The following TTLL11 variants were observed in gnomAD, a reference collection of about 807,000 sequenced individuals.
The protein encoded by TTLL11 is tubulin polyglutamylase TTLL11.
Under a neutral mutation model 51.7 loss-of-function variants are expected in TTLL11, and 42 were observed. The ratio of observed to expected loss-of-function variants is 0.81; its 90% CI spans 0.64 to 1.05. The LOEUF (loss-of-function observed/expected upper bound fraction) is 1.05. Ranked by LOEUF, TTLL11 falls within the 50% of genes least tolerant of loss-of-function variation. The probability of loss-of-function intolerance (pLI) is 0.00; values close to 1 mark genes in which losing one functional copy is unlikely to be tolerated. For synonymous variants in TTLL11, 381 were observed against 383.5 expected, an observed-to-expected ratio of 0.99 and a Z score of 0.08; for missense variants, 799 against 940.4, an observed-to-expected ratio of 0.85 and a Z score of 1.97.
At chr9:121,998,535 C>T (rs376723598) in intron 3 of TTLL11, among the ~76,000 whole-genome samples, 1 of 151,934 alleles carries the variant, frequency 6.6e-6, no homozygotes, top group Non-Finnish European at 1.5e-5. Context: ...ATCCACCCGC[C>T]TCGACCTCCC....
At chr9:121,993,109 G>C (rs1276591739) in intron 3 of TTLL11, among the ~76,000 whole-genome samples, 1 of 147,474 alleles carries the variant, frequency 6.8e-6, no homozygotes, top group African/African-American at 2.5e-5. Flanking sequence ...TTACAATGGT[G>C]TTTTCCAGGG....
chr9:122,007,431 C>T (rs1469253774), intron 3 of TTLL11, among the ~76,000 whole-genome samples: 5 of 148,796 alleles, frequency 3.4e-5, no homozygotes, highest in African/African-American at 1.0e-4. Context: ...GCCAAGATCA[C>T]GCCGCTGCAC....
At chr9:122,066,954 C>T (rs1436995699) in intron 1 of TTLL11, among the ~76,000 whole-genome samples, 1 of 152,182 alleles carries the variant, frequency 6.6e-6, no homozygotes, top group Non-Finnish European at 1.5e-5. Flanking sequence ...CTCATGAGAA[C>T]TCACTCACTA....
At chr9:122,053,445 G>GCAGCCCACA (rs1208834308) in intron 1 of TTLL11, among the ~76,000 whole-genome samples, 1 of 152,112 alleles carries the variant, frequency 6.6e-6, no homozygotes, top group African/African-American at 2.4e-5. Context: ...AGAGGTCCAC[G>GCAGCCCACA]CAGCCCACAC....
chr9:122,057,703 T>C (rs1208156286), intron 1 of TTLL11, among the ~76,000 whole-genome samples: 1 of 152,212 alleles, frequency 6.6e-6, no homozygotes, highest in Non-Finnish European at 1.5e-5. Context: ...AGCTTCTCTT[T>C]GGCCTTGAGA....
chr9:122,068,347 G>A (rs1845644396), intron 1 of TTLL11, among the ~76,000 whole-genome samples: 1 of 152,154 alleles, frequency 6.6e-6, no homozygotes, highest in Admixed American at 6.5e-5. Flanking sequence ...CTCTGAGGAA[G>A]GGAACTATAG....
intron 3 of TTLL11, 46 bp downstream of exon 3, chr9:122,031,677 C>T (rs755376743): frequency 1.3e-6 from 2 of 1,598,292 alleles, no homozygotes; most frequent in East Asian, 2.2e-5. Flanking sequence ...GACACAGTTG[C>T]AAGCATAATA....
chr9:121,916,592 A>G (rs540946842), intron 6 of TTLL11, among the ~76,000 whole-genome samples: 5 of 152,306 alleles, frequency 3.3e-5, no homozygotes, highest in Non-Finnish European at 7.4e-5. Context: ...AAAAAGGAAA[A>G]ATTCATTTTG....
intron 3 of TTLL11, among the ~76,000 whole-genome samples, chr9:122,031,430 G>A (rs1332781089): frequency 2.0e-5 from 3 of 152,094 alleles, no homozygotes; most frequent in African/African-American, 4.8e-5. Context: ...CACCTGCTCC[G>A]GCTCCAGCTC....
intron 8 of TTLL11, among the ~76,000 whole-genome samples, chr9:121,826,515 G>A (rs866850566): frequency 0.15 from 5,100 of 34,308 alleles, 512 homozygotes; most frequent in African/African-American, 0.27. Flanking sequence ...ATATATATAT[G>A]TATATATATA....
intron 3 of TTLL11, among the ~76,000 whole-genome samples, chr9:122,022,903 G>A (rs1844220378): frequency 6.6e-6 from 1 of 151,844 alleles, no homozygotes; most frequent in South Asian, 2.1e-4. Flanking sequence ...AGTGTTATAA[G>A]GTTCTCATAC....
intron 3 of TTLL11, among the ~76,000 whole-genome samples, chr9:122,010,492 C>T (rs1212336128): frequency 2.0e-5 from 3 of 152,180 alleles, no homozygotes; most frequent in Admixed American, 1.3e-4. Context: ...TCTGCTTTCA[C>T]ACTCCAACAG....
At chr9:121,886,172 C>T (rs562820127) in intron 6 of TTLL11, among the ~76,000 whole-genome samples, 8 of 152,290 alleles carry the variant, frequency 5.3e-5, no homozygotes, top group South Asian at 2.1e-4. Flanking sequence ...GCCTGGGTTC[C>T]GTGCCCTATG....
intron 6 of TTLL11, among the ~76,000 whole-genome samples, chr9:121,948,751 C>T (rs990138226): frequency 2.0e-5 from 3 of 152,174 alleles, no homozygotes; most frequent in South Asian, 2.1e-4. Flanking sequence ...CAAGCATGTG[C>T]GCTGCAGAGT....
intron 1 of TTLL11, among the ~76,000 whole-genome samples, chr9:122,062,259 CA>C (rs1845456759): frequency 6.6e-6 from 1 of 152,122 alleles, no homozygotes; most frequent in Non-Finnish European, 1.5e-5. Flanking sequence ...CCACATCACA[CA>C]GGGGCTCTTT....
At chr9:121,906,339 ATT>A (rs1554767495) in intron 6 of TTLL11, among the ~76,000 whole-genome samples, 51 of 142,750 alleles carry the variant, frequency 3.6e-4, no homozygotes, top group African/African-American at 1.0e-3. Flanking sequence ...TTATGTAATA[ATT>A]TTTAAAAAAA....
chr9:121,822,989 C>T lies in TTLL11; in HGVS notation c.1841-110G>A, dbSNP rs2119101388. The T allele has an allele frequency of 1.6e-6, 2 of 1,237,038 alleles. No homozygotes were observed. Among genetic ancestry groups the T allele is most frequent in the East Asian group, 5.2e-5 (2 of 38,226 alleles). 76.6% of individuals were successfully genotyped at this position (1,237,038 alleles called of 1,614,324 possible). The stretch of plus-strand genomic sequence containing the variant: ...CAGCAAGAGCTAGCCCCGCTCCCCA[C>T]CACCGTCTCCATTCCAGAAACTCCT... On this transcript the variant is annotated intron_variant, in intron 8 of 8. Transcript: ENST00000321582. This position sits in a 1 kb window ranked among gnomAD's most constrained non-coding sequence, Gnocchi z 5.8.
chr9:121,935,209 G>T (rs951225824), intron 6 of TTLL11, among the ~76,000 whole-genome samples: 2 of 151,766 alleles, frequency 1.3e-5, no homozygotes, highest in Non-Finnish European at 2.9e-5. Context: ...CGCCCGCCTC[G>T]GCCTCCCAAA....
chr9:121,931,271 G>A (rs775974308), intron 6 of TTLL11, among the ~76,000 whole-genome samples: 28 of 152,316 alleles, frequency 1.8e-4, no homozygotes, highest in Admixed American at 5.2e-4. Flanking sequence ...GCCACCCTAC[G>A]TCCTCAGAGC....
Sources: allele counts gnomAD v4.1 joint callset (sites outside exome capture counted in the v4.1 genomes callset), GRCh38; gene constraint gnomAD v4.1.1; non-coding constraint Gnocchi (gnomAD v3.1); transcripts MANE v1.5; gene names NCBI Gene and HGNC (gene_info 2026-07-23, HGNC 2026-07-21).